Variants in PPP1R1C observed in about 807,000 individuals in gnomAD.
PPP1R1C encodes the protein protein phosphatase 1 regulatory inhibitor subunit 1C.
Under a neutral mutation model 17.4 loss-of-function variants are expected in PPP1R1C, and 15 were observed. That is an observed-to-expected ratio of 0.86 (90% CI 0.58 to 1.33). PPP1R1C has a LOEUF of 1.33. PPP1R1C is among the 40% of genes most tolerant of loss of function. The pLI is 0.00. For missense variants in PPP1R1C, 143 were observed against 130.0 expected (o/e 1.10, Z -0.48); for synonymous variants, 35 against 43.1 (o/e 0.81, Z 0.73).
At chr2:182,043,010 A>C (rs146917790) in intron 2 of PPP1R1C, among the ~76,000 whole-genome samples, 176 of 152,356 alleles carry the variant, frequency 1.2e-3, no homozygotes, top group African/African-American at 4.1e-3. Flanking sequence ...TTAACCTTAA[A>C]AAATATGTAA....
intron 2 of PPP1R1C, among the ~76,000 whole-genome samples, chr2:182,028,591 C>T (rs1189146011): frequency 6.6e-6 from 1 of 152,020 alleles, no homozygotes; most frequent in Non-Finnish European, 1.5e-5. Context: ...TTGTTATAAT[C>T]TCTGTTCTTT....
At chr2:181,954,768 T>G in intron 1 of PPP1R1C, 1 of 152,232 alleles carries the variant, frequency 6.6e-6, no homozygotes. Context: ...ATTTTACTGG[T>G]TATGAACTCT....
At chr2:182,050,687 A>G (rs1400009) in intron 2 of PPP1R1C, among the ~76,000 whole-genome samples, 24,922 of 152,190 alleles carry the variant, frequency 0.16, 2,519 homozygotes, top group South Asian at 0.28. Context: ...TTAAACACTA[A>G]TCTTACCTCA....
At chr2:181,982,776 G>A (rs1231787503), upstream of PPP1R1C, among the ~76,000 whole-genome samples, 1 of 152,124 alleles carries the variant, frequency 6.6e-6, no homozygotes, top group Admixed American at 6.5e-5. Flanking sequence ...ATGCAAAGTA[G>A]GGCAAGATAG....
At chr2:181,975,805 T>C (rs1489026230) in intron 2 of PPP1R1C, among the ~76,000 whole-genome samples, 1 of 152,024 alleles carries the variant, frequency 6.6e-6, no homozygotes, top group Non-Finnish European at 1.5e-5. Context: ...AATGTAAGAA[T>C]GTTAGGAACA....
intron 2 of PPP1R1C, among the ~76,000 whole-genome samples, chr2:182,060,099 ATACT>A (rs1687807215): frequency 6.6e-6 from 1 of 152,146 alleles, no homozygotes; most frequent in Non-Finnish European, 1.5e-5. Context: ...AATGCCCCAC[ATACT>A]TACAGTCATT....
intron 4 of PPP1R1C, among the ~76,000 whole-genome samples, chr2:182,092,956 G>A (rs746563896): frequency 2.6e-5 from 4 of 152,288 alleles, no homozygotes; most frequent in Admixed American, 2.0e-4. Flanking sequence ...TCTGAAGGAC[G>A]GTGGCCCTCT....
intron 2 of PPP1R1C, among the ~76,000 whole-genome samples, chr2:181,975,462 T>C (rs1329939305): frequency 6.6e-6 from 1 of 151,954 alleles, no homozygotes; most frequent in Non-Finnish European, 1.5e-5. Flanking sequence ...GTGTTTATTC[T>C]CTCTCTTTTT....
chr2:182,031,391 T>G (rs1163497588), intron 2 of PPP1R1C, among the ~76,000 whole-genome samples: 1 of 152,228 alleles, frequency 6.6e-6, no homozygotes, highest in African/African-American at 2.4e-5. Flanking sequence ...ATTATTTTTA[T>G]GTGAAGAAAA....
chr2:182,068,034 G>A (rs1688037541), intron 4 of PPP1R1C, among the ~76,000 whole-genome samples: 1 of 152,018 alleles, frequency 6.6e-6, no homozygotes, highest in Non-Finnish European at 1.5e-5. Flanking sequence ...AGAATTTCTT[G>A]GGAGGTTATT....
At chr2:182,076,538 A>G (rs1486454656) in intron 4 of PPP1R1C, among the ~76,000 whole-genome samples, 1 of 150,148 alleles carries the variant, frequency 6.7e-6, no homozygotes, top group Non-Finnish European at 1.5e-5. Flanking sequence ...AGAGCATTGG[A>G]TCTGTGATTT....
At chr2:182,063,607 C>G (rs1052879853) in intron 3 of PPP1R1C, 124 bp from the exon 4 acceptor site, 1 of 751,018 alleles carries the variant, frequency 1.3e-6, no homozygotes, top group African/African-American at 1.7e-5. Context: ...GATTCTATTT[C>G]ATGACAGGGA....
intron 5 of PPP1R1C, among the ~76,000 whole-genome samples, chr2:182,125,783 CT>C (rs1412358423): frequency 2.0e-5 from 3 of 152,100 alleles, no homozygotes; most frequent in Non-Finnish European, 4.4e-5. Context: ...TGATTCTTCT[CT>C]CTTTTCTTCC....
intron 2 of PPP1R1C, among the ~76,000 whole-genome samples, chr2:182,053,028 T>C (rs1447062926): frequency 6.6e-6 from 1 of 152,242 alleles, no homozygotes; most frequent in Non-Finnish European, 1.5e-5. Context: ...TTGAAGTTAT[T>C]TTGGAACCAA....
intron 4 of PPP1R1C, among the ~76,000 whole-genome samples, chr2:182,087,429 A>G (rs1436326634): frequency 6.6e-6 from 1 of 152,146 alleles, no homozygotes; most frequent in Non-Finnish European, 1.5e-5. Flanking sequence ...CCTCTACTCT[A>G]TATTTTCCCA....
chr2:182,110,437 A>G (rs1445889634), intron 4 of PPP1R1C, among the ~76,000 whole-genome samples: 5 of 152,162 alleles, frequency 3.3e-5, no homozygotes, highest in Non-Finnish European at 5.9e-5. Context: ...CTTGTATGCT[A>G]GCTCTGTTGC....
At position 181,995,750 on chromosome 2, in the gene PPP1R1C, C is replaced by CTT. The variant is rs765059591; in HGVS notation, c.142+7864_142+7865dup. Among the ~76,000 whole-genome samples, 48 of 142,166 alleles carry CTT rather than the reference C, an allele frequency of 3.4e-4. 1 individual carries two copies. The highest frequency in any genetic ancestry group is 2.4e-3 in the East Asian group (12 of 4,932). The allele number at this position is 142,166 out of a possible 152,430, so 93.3% of individuals were successfully genotyped here. On this transcript the variant is annotated intron_variant, in intron 2 of 4. Transcript: ENST00000682840. ...AAAAAGATTACTTCTAAATTTCTTC[C>CTT]TTTTTTTTTTTTTTGGAATTATTCA... is the stretch of plus-strand genomic sequence containing the variant.
chr2:182,111,481 G>A (rs1515896), intron 4 of PPP1R1C, among the ~76,000 whole-genome samples: 53,753 of 151,892 alleles, frequency 0.35, 10,074 homozygotes, highest in Non-Finnish European at 0.41. Context: ...CATTTATGGT[G>A]AGTTCAGGAA....
chr2:182,097,234 A>G (rs931532259), intron 4 of PPP1R1C, among the ~76,000 whole-genome samples: 2 of 152,138 alleles, frequency 1.3e-5, no homozygotes, highest in Non-Finnish European at 2.9e-5. Context: ...AGTCCTTTAA[A>G]TGTTCACTAA....
Sources: allele counts gnomAD v4.1 joint callset (sites outside exome capture counted in the v4.1 genomes callset), GRCh38; gene constraint gnomAD v4.1.1; transcripts MANE v1.5; gene names NCBI Gene and HGNC (gene_info 2026-07-23, HGNC 2026-07-21).